The following PCDH11X variants were observed in gnomAD, a reference collection of about 807,000 sequenced individuals.
The protein encoded by PCDH11X is protocadherin 11 X-linked.
A neutral mutation model predicts 53.3 loss-of-function variants in PCDH11X; 18 were observed. The ratio of observed to expected loss-of-function variants is 0.34; its 90% CI spans 0.23 to 0.50. PCDH11X has a LOEUF of 0.50. Among genes scored for constraint, PCDH11X ranks in the 20% least tolerant of loss-of-function variants. PCDH11X has a pLI of 0.98. For synonymous variants in PCDH11X, 279 were observed against 393.3 expected, an observed-to-expected ratio of 0.71 and a Z score of 3.44; for missense variants, 570 against 1,032.4, an observed-to-expected ratio of 0.55 and a Z score of 6.14.
chrX:92,322,239 C>T (rs1462400192), intron 8 of PCDH11X, among the ~76,000 whole-genome samples: 1 of 110,457 alleles, frequency 9.1e-6, no homozygotes, highest in African/African-American at 3.3e-5. Context: ...TAACATTTCC[C>T]AGAATTATAT....
chrX:92,367,450 AT>A (rs1415707890), intron 8 of PCDH11X, among the ~76,000 whole-genome samples: 2 of 110,848 alleles, frequency 1.8e-5, no homozygotes, highest in Non-Finnish European at 3.8e-5. Flanking sequence ...TCTTAATCCA[AT>A]TTGCCAGTCT....
At chrX:92,498,358 A>G (rs1254554791) in intron 10 of PCDH11X, among the ~76,000 whole-genome samples, 3 of 110,746 alleles carry the variant, frequency 2.7e-5, no homozygotes, top group African/African-American at 6.6e-5. Flanking sequence ...ACCACATGGT[A>G]TCACATATGT....
At chrX:92,356,182 C>T (rs1048475206) in intron 8 of PCDH11X, among the ~76,000 whole-genome samples, 3 of 111,447 alleles carry the variant, frequency 2.7e-5, no homozygotes, top group Non-Finnish European at 3.8e-5. Flanking sequence ...TTTACTTTCT[C>T]CACAGACTGG....
At chrX:92,325,296 C>A (rs2574059) in intron 8 of PCDH11X, among the ~76,000 whole-genome samples, 48,107 of 109,105 alleles carry the variant, frequency 0.44, 8,154 homozygotes, top group East Asian at 0.74. Flanking sequence ...CTCTGATCTG[C>A]AATCATATAA....
At chrX:92,401,706 T>G (rs1358174052) in intron 9 of PCDH11X, among the ~76,000 whole-genome samples, 2 of 112,322 alleles carry the variant, frequency 1.8e-5, no homozygotes, top group African/African-American at 3.2e-5. Context: ...GAATGCTGAA[T>G]GTCCTATCAG....
chrX:92,429,370 C>G (rs2072197928), intron 9 of PCDH11X, among the ~76,000 whole-genome samples: 1 of 109,994 alleles, frequency 9.1e-6, no homozygotes, highest in African/African-American at 3.3e-5. Context: ...ACAGATGAGA[C>G]AGCTAGCACC....
intron 8 of PCDH11X, among the ~76,000 whole-genome samples, chrX:92,323,403 A>G (rs1043561796): frequency 9.2e-6 from 1 of 108,211 alleles, no homozygotes; most frequent in Non-Finnish European, 1.9e-5. Flanking sequence ...TCTAAGATGA[A>G]TAAAGAATCA....
At chrX:92,155,755 T>A (rs2065522031) in intron 6 of PCDH11X, among the ~76,000 whole-genome samples, 1 of 108,156 alleles carries the variant, frequency 9.2e-6, no homozygotes, top group African/African-American at 3.4e-5. Flanking sequence ...GCCTCCGGAG[T>A]AGCTGGGACT....
intron 6 of PCDH11X, among the ~76,000 whole-genome samples, chrX:92,071,382 T>C (rs2063699943): frequency 9.0e-6 from 1 of 111,158 alleles, no homozygotes; most frequent in Non-Finnish European, 1.9e-5. Context: ...TTGAATTTCT[T>C]TGATTTTCCT....
In PCDH11X at chrX:92,347,627, C is replaced by A. The variant is rs1347705715; in HGVS notation, c.3145-40108C>A. Among the ~76,000 whole-genome samples, 3 of 111,804 alleles carry A rather than the reference C, an allele frequency of 2.7e-5. No homozygotes were observed. In the East Asian group the frequency reaches 8.5e-4, roughly 32 times the overall value. ...TGTCATCAACATAGTTCATCACAAC[C>A]TATTTCCATTCTTGCAGATGAGGGT... On this transcript the variant is annotated intron_variant, in intron 8 of 10. Coordinates refer to ENST00000682573, the MANE Select transcript of PCDH11X (RefSeq NM_032968.5).
intron 10 of PCDH11X, among the ~76,000 whole-genome samples, chrX:92,586,977 CT>C (rs34675403): frequency 0.043 from 3,128 of 72,710 alleles, 92 homozygotes; most frequent in East Asian, 0.12. Flanking sequence ...ACACAGAAGC[CT>C]TTTTTTTTTT....
At chrX:92,056,292 G>T (rs867451196) in intron 6 of PCDH11X, among the ~76,000 whole-genome samples, 3 of 111,624 alleles carry the variant, frequency 2.7e-5, no homozygotes, top group Non-Finnish European at 5.7e-5. Context: ...CAGTGATTTT[G>T]ATCATTTTTT....
At chrX:92,299,390 G>T (rs916457475) in intron 8 of PCDH11X, among the ~76,000 whole-genome samples, 2 of 111,389 alleles carry the variant, frequency 1.8e-5, no homozygotes, top group African/African-American at 6.5e-5. Context: ...AATGGTACTA[G>T]CTCCTCTTTA....
At chrX:92,226,087 T>A (rs1344462410) in intron 7 of PCDH11X, among the ~76,000 whole-genome samples, 1 of 111,869 alleles carries the variant, frequency 8.9e-6, no homozygotes, top group East Asian at 2.8e-4. Flanking sequence ...TGTACCCTTA[T>A]GTAGGGACAG....
chrX:92,230,384 G>T (rs1284220881), intron 7 of PCDH11X, among the ~76,000 whole-genome samples: 3 of 92,869 alleles, frequency 3.2e-5, no homozygotes, highest in African/African-American at 1.2e-4. Context: ...TGTATGTCTC[G>T]ATTTTGCCCT....
rs749024043 is a variant in PCDH11X at position 91,781,648 on chromosome X, CTG to C, written c.-379+1979_-379+1980del. 1.4e-4 allele frequency among the ~76,000 whole-genome samples: 15 copies of C among 108,666 alleles called. No homozygotes were observed. In the South Asian group the frequency reaches 1.6e-3, roughly 12 times the overall value. 94.4% of individuals were successfully genotyped at this position (108,666 alleles called of 115,157 possible). A position where few individuals can be genotyped will look rare whatever the true frequency, so the allele number is the denominator to read the frequency against. On this transcript the variant is annotated intron_variant, in intron 1 of 10. Transcript: ENST00000682573. ...CAGGGCTGGCCTTTCCTCTGTGGGT[CTG>C]TGTGTGTGTGTGTGCGCGTGTGTGT...
At chrX:92,580,868 C>A (rs755337794) in intron 10 of PCDH11X, among the ~76,000 whole-genome samples, 1 of 111,064 alleles carries the variant, frequency 9.0e-6, no homozygotes, top group Non-Finnish European at 1.9e-5. Flanking sequence ...GAGGTGGGAG[C>A]TCCCCTTGCC....
chrX:92,108,635 T>C (rs907813464), intron 6 of PCDH11X, among the ~76,000 whole-genome samples: 1 of 111,971 alleles, frequency 8.9e-6, no homozygotes, highest in African/African-American at 3.2e-5. Flanking sequence ...TGGTTTTTGA[T>C]AGAAGAATGT....
At chrX:92,375,920 C>T (rs2070744779) in intron 8 of PCDH11X, among the ~76,000 whole-genome samples, 1 of 111,727 alleles carries the variant, frequency 9.0e-6, no homozygotes, top group Non-Finnish European at 1.9e-5. Flanking sequence ...CCGTGCCTGG[C>T]CTTGTTTTGT....
Sources: gnomAD v4.1 joint callset for allele counts (sites outside exome capture counted in the v4.1 genomes callset) on GRCh38, gnomAD v4.1.1 for gene constraint, MANE v1.5 for transcripts, NCBI Gene and HGNC (gene_info 2026-07-23, HGNC 2026-07-21) for gene names.